ALDH9A1: variants seen among roughly 807,000 people sequenced by gnomAD.
The protein encoded by ALDH9A1 is 4-trimethylaminobutyraldehyde dehydrogenase.
In ALDH9A1, 42 loss-of-function variants were observed where a neutral mutation model predicts 56.6. The observed-to-expected ratio is 0.74, with a 90% CI of 0.58 to 0.96. ALDH9A1 has a LOEUF of 0.96. Among genes scored for constraint, ALDH9A1 ranks in the 40% least tolerant of loss-of-function variants. The probability of loss-of-function intolerance (pLI) is 0.00; values close to 1 mark genes in which losing one functional copy is unlikely to be tolerated. For synonymous variants in ALDH9A1, 242 were observed against 236.0 expected, an observed-to-expected ratio of 1.03 and a Z score of -0.23; for missense variants, 661 against 651.5, an observed-to-expected ratio of 1.01 and a Z score of -0.16.
At chr1:165,670,537 GATAA>G (rs1649143552) in intron 6 of ALDH9A1, among the ~76,000 whole-genome samples, 1 of 151,686 alleles carries the variant, frequency 6.6e-6, no homozygotes, top group African/African-American at 2.4e-5. Flanking sequence ...AAAAAAAATT[GATAA>G]ATTTGACTAT....
At chr1:165,678,881 C>T (rs1649453869) in intron 6 of ALDH9A1, among the ~76,000 whole-genome samples, 1 of 151,986 alleles carries the variant, frequency 6.6e-6, no homozygotes, top group Non-Finnish European at 1.5e-5. Flanking sequence ...TCCTGAAAGA[C>T]AAGAATAACT....
At chr1:165,694,058 C>A (rs1384893971) in intron 2 of ALDH9A1, among the ~76,000 whole-genome samples, 4 of 118,656 alleles carry the variant, frequency 3.4e-5, no homozygotes, top group African/African-American at 1.3e-4. Flanking sequence ...CACACCGGGG[C>A]CGTAGGGGGT....
chr1:165,681,149 A>G (rs186140812), intron 4 of ALDH9A1, among the ~76,000 whole-genome samples: 42 of 152,276 alleles, frequency 2.8e-4, no homozygotes, highest in Admixed American at 1.2e-3. Flanking sequence ...TCAAGTTGAG[A>G]TTTGGGTGGG....
intron 2 of ALDH9A1, among the ~76,000 whole-genome samples, chr1:165,691,938 T>C (rs1053396398): frequency 2.6e-5 from 4 of 152,066 alleles, no homozygotes; most frequent in Non-Finnish European, 5.9e-5. Context: ...ATAAACGTAA[T>C]CCATCATATA....
At chr1:165,671,397 G>A in intron 6 of ALDH9A1, 1 of 459,398 alleles carries the variant, frequency 2.2e-6, no homozygotes, top group Non-Finnish European at 4.3e-6. Context: ...TTAAAAACTG[G>A]CCAAGAAGGG....
At chr1:165,698,158 C>T in intron 1 of ALDH9A1, 1 of 1,262,040 alleles carries the variant, frequency 7.9e-7, no homozygotes, top group Non-Finnish European at 1.0e-6. Context: ...GATCCTACCA[C>T]GCAACTCATC....
At position 165,665,035 on chromosome 1, in the gene ALDH9A1, C is replaced by T; in HGVS notation, c.1445G>A (p.Gly482Asp). 1.2e-6 allele frequency: 2 copies of T among 1,613,964 alleles called. No homozygotes were observed. Among genetic ancestry groups the T allele is most frequent in the South Asian group, 1.1e-5 (1 of 91,066 alleles). Residue 482 changes from glycine (G) to aspartate (D), a missense_variant, in exon 10 of 11, where the codon GGT (glycine) becomes GAT (aspartate). Physicochemically the swap from Gly to Asp is moderately conservative, Grantham distance 94 (BLOSUM62 -1). Transcript: ENST00000354775. ...CTCCTCACCTGACTTCTTATATCCA[C>T]CAAAGGGCAACTCCACTGGGCTGAC... ...YNVSPVELPF[G>D]GYKKSGFGRE... is the part of the protein sequence containing the mutation.
chr1:165,678,630 T>C (rs192896010), intron 6 of ALDH9A1, among the ~76,000 whole-genome samples: 1 of 152,292 alleles, frequency 6.6e-6, no homozygotes, highest in Middle Eastern at 3.4e-3. Flanking sequence ...AGGAACAGGA[T>C]AGTCTCAAAA....
intron 2 of ALDH9A1, among the ~76,000 whole-genome samples, chr1:165,693,574 G>A (rs1198720217): frequency 1.3e-5 from 2 of 152,316 alleles, no homozygotes; most frequent in Non-Finnish European, 2.9e-5. Flanking sequence ...AACAGGTGCT[G>A]GAGATGATGT....
Position 165,669,450 on chromosome 1 carries a change from C to T in ALDH9A1, c.931G>A (p.Val311Ile), listed in dbSNP as rs756878879. 2.5e-6 allele frequency: 4 copies of T among 1,604,392 alleles called. No individual in the cohort carries two copies. The highest frequency in any genetic ancestry group is 3.4e-6 in the Non-Finnish European group (4 of 1,175,956). ...AATACTCTTGTGCCATTACAGCAAACCTAAAGGACAAACACAAGACATCAA... is the reference window on the plus strand; with the variant it reads ...AATACTCTTGTGCCATTACAGCAAATCTAAAGGACAAACACAAGACATCAA... ...LMANFLTQGQ[V>I]CCNGTRVFVQ... The change falls in exon 7 of 11, where the codon GTT becomes ATT. Residue 311 changes from valine (V) to isoleucine (I), a missense_variant and splice_region_variant. Coordinates refer to ENST00000354775, the MANE Select transcript of ALDH9A1 (RefSeq NM_000696.4).
Position 165,695,652 on chromosome 1 carries a change from C to T in ALDH9A1, c.182-255G>A, listed in dbSNP as rs1264396346. 4.0e-5 allele frequency among the ~76,000 whole-genome samples: 6 copies of T among 151,622 alleles called. 1 individual carries two copies. Among genetic ancestry groups the T allele is most frequent in the South Asian group, 4.2e-4 (2 of 4,788 alleles). On this transcript the variant is annotated intron_variant, in intron 1 of 10. Coordinates refer to ENST00000354775, the MANE Select transcript of ALDH9A1 (RefSeq NM_000696.4). ...CTGGGACTACCAGTGCACGCCACTA[C>T]GCCCAGCTAATTTTTTGTATTTTTT...
chr1:165,686,052 GA>G (rs1237039623), intron 2 of ALDH9A1, among the ~76,000 whole-genome samples: 1 of 151,970 alleles, frequency 6.6e-6, no homozygotes, highest in African/African-American at 2.4e-5. Context: ...AGAAAATATG[GA>G]AAAAAATGTT....
rs73014547 is a variant in ALDH9A1 at position 165,688,057 on chromosome 1, G to A, written c.328-4947C>T. 5.0e-3 allele frequency among the ~76,000 whole-genome samples: 756 copies of A among 151,202 alleles called. 7 individuals carry two copies. The highest frequency in any genetic ancestry group is 0.018 in the African/African-American group (725 of 41,188). On this transcript the variant is annotated intron_variant, in intron 2 of 10. Coordinates refer to ENST00000354775, the MANE Select transcript of ALDH9A1 (RefSeq NM_000696.4). ...CTAGGCTGGGTACAGTGGCACACAC[G>A]TACAGTCCCAGCACTTTGGGAAGCT...
chr1:165,698,541 G>T lies in ALDH9A1; in HGVS notation c.18C>A (p.Gly6=), dbSNP rs201708781. The change falls in exon 1 of 11, where the codon GGC becomes GGA. Residue 6 remains glycine, a synonymous_variant. Transcript: ENST00000354775. The stretch of plus-strand genomic sequence containing the variant: ...GAAGAAGCGGGGAGAGCGCGGCCAG[G>T]CCTGCTCGGAGAAACATGAGTGGCG... MFLRA[G]LAALSPLLRS... 6.2e-7 allele frequency: 1 copy of T among 1,608,382 alleles called. No homozygotes were observed. Among genetic ancestry groups the T allele is most frequent in the South Asian group, 1.1e-5 (1 of 90,502 alleles).
chr1:165,667,994 AAAC>A (rs1649058968), intron 8 of ALDH9A1, among the ~76,000 whole-genome samples: 3 of 152,306 alleles, frequency 2.0e-5, no homozygotes, highest in Middle Eastern at 3.4e-3. Context: ...AGAATGATAA[AAAC>A]AACACTGAGA....
chr1:165,669,597 C>A (rs554744970), intron 6 of ALDH9A1, 147 bp from the exon 7 acceptor site: 1 of 787,566 alleles, frequency 1.3e-6, no homozygotes, highest in Non-Finnish European at 1.9e-6. Context: ...AAATTGTCTC[C>A]ATACTGAATA....
At chr1:165,676,673 C>A in intron 6 of ALDH9A1, 1 of 407,554 alleles carries the variant, frequency 2.5e-6, no homozygotes, top group Non-Finnish European at 4.7e-6. Flanking sequence ...GAGAAAGGTA[C>A]CTGGTTTCAG....
chr1:165,692,517 G>A (rs941335543), intron 2 of ALDH9A1, among the ~76,000 whole-genome samples: 1 of 152,070 alleles, frequency 6.6e-6, no homozygotes, highest in African/African-American at 2.4e-5. Context: ...GGGATGTGAA[G>A]GACCTCTTCA....
chr1:165,680,599 G>A lies in ALDH9A1; in HGVS notation c.677C>T (p.Pro226Leu). 6.2e-7 allele frequency: 1 copy of A among 1,614,164 alleles called. No homozygotes were observed. Among genetic ancestry groups the A allele is most frequent in the Non-Finnish European group, 8.5e-7 (1 of 1,180,018 alleles). Residue 226 changes from proline (P) to leucine (L), a missense_variant, in exon 5 of 11, where the codon CCT becomes CTT. By Grantham distance (98) the Pro-to-Leu change is moderately conservative. Transcript: ENST00000354775. ...CTGCACCACATTGAAGAGCCCAGGA[G>A]GTACACCAGCCTCACTGTAGATTTC... ...LAEIYSEAGV[P>L]PGLFNVVQGG...
Sources: gnomAD v4.1 joint callset for allele counts (sites outside exome capture counted in the v4.1 genomes callset) on GRCh38, gnomAD v4.1.1 for gene constraint, MANE v1.5 for transcripts, NCBI Gene and HGNC (gene_info 2026-07-23, HGNC 2026-07-21) for gene names.